The following SYNE2 variants were observed in gnomAD, a reference collection of about 807,000 sequenced individuals.
SYNE2 encodes the protein spectrin repeat containing nuclear envelope protein 2, also known as nesprin-2.
A neutral mutation model predicts 856.3 loss-of-function variants in SYNE2; 431 were observed. The observed-to-expected ratio is 0.50, with a 90% confidence interval of 0.47 to 0.55. The LOEUF is 0.55. Among genes scored for constraint, SYNE2 ranks in the 20% least tolerant of loss-of-function variants. SYNE2 has a pLI of 0.00. For missense variants in SYNE2, 8,129 were observed against 8,023.2 expected, an observed-to-expected ratio of 1.01 and a Z score of -0.50; for synonymous variants, 2,923 against 2,872.3, an observed-to-expected ratio of 1.02 and a Z score of -0.56.
At chr14:63,987,187 C>T (rs1450824193) in intron 19 of SYNE2, among the ~76,000 whole-genome samples, 11 of 151,534 alleles carry the variant, frequency 7.3e-5, no homozygotes, top group East Asian at 5.8e-4. Flanking sequence ...ACCCAGGAGG[C>T]GGAGGTTGCA....
At chr14:64,191,701 G>C (rs910702354) in intron 99 of SYNE2, among the ~76,000 whole-genome samples, 1 of 152,124 alleles carries the variant, frequency 6.6e-6, no homozygotes, top group African/African-American at 2.4e-5. Context: ...GTTTGCTGAA[G>C]ACAAATATTA....
intron 64 of SYNE2, among the ~76,000 whole-genome samples, chr14:64,106,659 A>T (rs1207936748): frequency 1.3e-5 from 2 of 152,224 alleles, no homozygotes; most frequent in African/African-American, 4.8e-5. Context: ...AAAAAAAAAT[A>T]TTAACACTAT....
chr14:64,121,668 T>A (rs1481782176), intron 68 of SYNE2, among the ~76,000 whole-genome samples: 1 of 152,246 alleles, frequency 6.6e-6, no homozygotes, highest in Non-Finnish European at 1.5e-5. Flanking sequence ...CTGCTAACAC[T>A]GGGGACACCA....
At chr14:63,911,378 T>A (rs561330959) in intron 2 of SYNE2, among the ~76,000 whole-genome samples, 13 of 152,322 alleles carry the variant, frequency 8.5e-5, no homozygotes, top group African/African-American at 3.1e-4. Flanking sequence ...GAGCACTTGG[T>A]AGTATTATTA....
At chr14:63,994,933 T>G in intron 22 of SYNE2, 111 bp from the exon 23 acceptor site, 1 of 706,898 alleles carries the variant, frequency 1.4e-6, no homozygotes, top group East Asian at 3.1e-5. Flanking sequence ...GAATGGCACT[T>G]AAGCTTTGTT....
chr14:64,010,241 T>G, intron 32 of SYNE2, 125 bp downstream of exon 32: 1 of 1,042,740 alleles, frequency 9.6e-7, no homozygotes. Context: ...GTGACCCTAT[T>G]TTACCAGGTA....
In SYNE2 at chr14:63,908,513, G is replaced by A. The variant is rs540462600; in HGVS notation, c.-51-585G>A. ...CTTTAAGAATCAAGGTGGGGCGAGG[G>A]GAAGAAATGTGTAGGTGAAAAAATA... On this transcript the variant is annotated intron_variant, in intron 1 of 115. Transcript: ENST00000555002. Among the ~76,000 whole-genome samples, 4 of 152,188 alleles carry A rather than the reference G, an allele frequency of 2.6e-5. No individual in the cohort carries two copies. In the East Asian group the frequency reaches 7.7e-4, roughly 29 times the overall value.
chr14:64,023,180 T>TA, intron 38 of SYNE2: 1 of 328,904 alleles, frequency 3.0e-6, no homozygotes, highest in Non-Finnish European at 5.7e-6. Flanking sequence ...GAGGAAGGTG[T>TA]AGTGAGCTGA....
At chr14:63,764,751 G>A (rs1006669707) in intron 1 of SYNE2, among the ~76,000 whole-genome samples, 4 of 151,680 alleles carry the variant, frequency 2.6e-5, no homozygotes, top group African/African-American at 4.8e-5. Flanking sequence ...CCCCACAACA[G>A]GCCCCAGTGT....
chr14:63,946,365 C>T (rs2096027105), intron 6 of SYNE2, among the ~76,000 whole-genome samples: 1 of 151,736 alleles, frequency 6.6e-6, no homozygotes, highest in South Asian at 2.1e-4. Context: ...GAGGTTGAGA[C>T]TGCAGTGAGC....
intron 99 of SYNE2, among the ~76,000 whole-genome samples, chr14:64,201,846 A>C (rs780742963): frequency 6.6e-6 from 1 of 152,142 alleles, no homozygotes; most frequent in Non-Finnish European, 1.5e-5. Context: ...TTTCCATTGG[A>C]GCCATTACTT....
intron 51 of SYNE2, among the ~76,000 whole-genome samples, chr14:64,068,445 G>T (rs560241713): frequency 4.1e-4 from 62 of 152,044 alleles, no homozygotes; most frequent in Non-Finnish European, 7.8e-4. Flanking sequence ...TCTTGCTGCT[G>T]CTTGTATTAG....
chr14:64,013,205 A>G (rs985051975), intron 32 of SYNE2, among the ~76,000 whole-genome samples: 1 of 152,226 alleles, frequency 6.6e-6, no homozygotes, highest in East Asian at 1.9e-4. Flanking sequence ...TTAACAAGAA[A>G]GTTCTTTGCA....
chr14:63,903,066 A>G (rs946875283), intron 1 of SYNE2, among the ~76,000 whole-genome samples: 3 of 151,368 alleles, frequency 2.0e-5, no homozygotes, highest in African/African-American at 2.4e-5. Context: ...TTTCTTTTCT[A>G]CTCTGTTCCA....
At chr14:63,816,738 A>G (rs1337250382) in intron 1 of SYNE2, among the ~76,000 whole-genome samples, 1 of 129,548 alleles carries the variant, frequency 7.7e-6, no homozygotes, top group Non-Finnish European at 1.7e-5. Context: ...ATTTTTAGAG[A>G]TGAGATCTTG....
intron 98 of SYNE2, chr14:64,189,026 C>T (rs2098505137): frequency 1.4e-6 from 1 of 701,182 alleles, no homozygotes; most frequent in Non-Finnish European, 2.6e-6. Context: ...TAGGGTTTCT[C>T]TAGTTGTTAT....
intron 109 of SYNE2, 31 bp from the exon 110 acceptor site, chr14:64,219,177 C>CTT: frequency 6.9e-7 from 1 of 1,439,562 alleles, no homozygotes; most frequent in East Asian, 3.7e-5. Context: ...TGCATTATTG[C>CTT]TTTTTTTAAT....
chr14:63,925,091 C>T (rs959183298), intron 2 of SYNE2, among the ~76,000 whole-genome samples: 2 of 151,968 alleles, frequency 1.3e-5, no homozygotes, highest in Non-Finnish European at 2.9e-5. Flanking sequence ...CGCTTGAGCC[C>T]AGGAGTTCAA....
Position 64,214,444 on chromosome 14 carries a change from A to C in SYNE2, c.19307A>C (p.Glu6436Ala). 6.2e-7 allele frequency: 1 copy of C among 1,613,644 alleles called. No individual in the cohort carries two copies. Among genetic ancestry groups the C allele is most frequent in the Non-Finnish European group, 8.5e-7 (1 of 1,179,970 alleles). Residue 6436 changes from glutamate to alanine, a missense_variant, in exon 106 of 116, where the codon GAG becomes GCG. Around this residue, in one of 3 missense-constraint regions of SYNE2, gnomAD observed 5,410 missense variants for 5,284.8 expected, o/e 1.02. Coordinates refer to ENST00000555002, the MANE Select transcript of SYNE2 (RefSeq NM_182914.3). ...GGSSSHEEDE[E>A]GPYYSALSDV... ...TCCTCCTCTCACGAAGAGGACGAGG[A>C]GGGCCCATACTACAGCGCACTGTCA...
Sources: allele counts gnomAD v4.1 joint callset (sites outside exome capture counted in the v4.1 genomes callset), GRCh38; gene constraint gnomAD v4.1.1; regional missense constraint gnomAD v4.1.1; transcripts MANE v1.5; gene names NCBI Gene and HGNC (gene_info 2026-07-23, HGNC 2026-07-21).